Variants in C2orf49 observed in about 807,000 individuals in gnomAD.
C2orf49 encodes the protein tRNA splicing ligase complex subunit 2, also known as tRNA-splicing ligase complex subunit ASW.
A neutral mutation model predicts 20.6 loss-of-function variants in C2orf49; 11 were observed. The observed-to-expected ratio is 0.53, with a 90% confidence interval of 0.34 to 0.88. The LOEUF (loss-of-function observed/expected upper bound fraction) is 0.88. Among genes scored for constraint, C2orf49 ranks in the 40% least tolerant of loss-of-function variants. C2orf49 has a pLI of 0.02. For synonymous variants in C2orf49, 134 were observed against 108.5 expected (o/e 1.24, Z -1.46); for missense variants, 289 against 274.2 (o/e 1.05, Z -0.38).
chr2:105,367,847 A>G, the C2orf49 span: 1 of 1,093,556 alleles, frequency 9.1e-7, no homozygotes, highest in Non-Finnish European at 1.3e-6. Flanking sequence ...GACCAGAGCA[A>G]GCCACTTCAG....
At chr2:105,377,862 G>A in the C2orf49 span, 3 of 362,118 alleles carry the variant, frequency 8.3e-6, no homozygotes, top group Non-Finnish European at 1.6e-5. Flanking sequence ...CTCTCTCTGG[G>A]AAGATAGTTG....
chr2:105,380,703 C>A, the C2orf49 span, among the ~76,000 whole-genome samples: 1 of 152,198 alleles, frequency 6.6e-6, no homozygotes, highest in East Asian at 1.9e-4. Context: ...AATATGGACA[C>A]CTTGACAGAC....
At chr2:105,373,227 G>A in the C2orf49 span, among the ~76,000 whole-genome samples, 1 of 152,212 alleles carries the variant, frequency 6.6e-6, no homozygotes, top group Non-Finnish European at 1.5e-5. Context: ...AGGTAGAAGG[G>A]AAGAAAAGAG....
At chr2:105,380,657 AG>A in the C2orf49 span, among the ~76,000 whole-genome samples, 1 of 152,230 alleles carries the variant, frequency 6.6e-6, no homozygotes, top group African/African-American at 2.4e-5. Flanking sequence ...AGTGTAACAG[AG>A]ATAGCACTTC....
intron 2 of C2orf49, among the ~76,000 whole-genome samples, chr2:105,342,138 C>T (rs776064003): frequency 3.9e-5 from 6 of 152,230 alleles, no homozygotes; most frequent in East Asian, 1.9e-4. Context: ...CGCCATCGCA[C>T]GCCACCCTGG....
the C2orf49 span, among the ~76,000 whole-genome samples, chr2:105,371,117 C>T: frequency 6.6e-6 from 1 of 152,102 alleles, no homozygotes; most frequent in South Asian, 2.1e-4. Context: ...CTTTCCCTCC[C>T]CAGTAAACAC....
the C2orf49 span, among the ~76,000 whole-genome samples, chr2:105,364,482 C>G: frequency 1.3e-5 from 2 of 152,320 alleles, no homozygotes; most frequent in Admixed American, 6.5e-5. Context: ...CTTAGAACAT[C>G]TGTGAGGTGA....
the C2orf49 span, among the ~76,000 whole-genome samples, chr2:105,385,370 T>C: frequency 6.6e-6 from 1 of 152,192 alleles, no homozygotes; most frequent in Non-Finnish European, 1.5e-5. Flanking sequence ...GCTAGAATGA[T>C]CCAACTGCAT....
chr2:105,384,451 G>C, the C2orf49 span, among the ~76,000 whole-genome samples: 5 of 152,180 alleles, frequency 3.3e-5, no homozygotes, highest in Admixed American at 2.0e-4. Flanking sequence ...CGAGTGCAAG[G>C]GCTTGTATCT....
chr2:105,342,570 C>T (rs567920688), intron 2 of C2orf49, among the ~76,000 whole-genome samples: 1 of 152,092 alleles, frequency 6.6e-6, no homozygotes, highest in East Asian at 1.9e-4. Flanking sequence ...TTTTAAGTTC[C>T]AGGGCTAGAT....
Position 105,337,599 on chromosome 2 carries a change from T to C in C2orf49, c.12T>C (p.Asp4=). The change falls in exon 1 of 4, where the codon GAT becomes GAC. Residue 4 remains aspartate, a synonymous_variant. Transcript: ENST00000258457. ...TCCTGGCGACGACCATGGCGGGGGA[T>C]GTGGGCGGTCGCAGCTGCACGGACT... is the stretch of plus-strand genomic sequence containing the variant. MAG[D]VGGRSCTDSE... 6.2e-7 allele frequency: 1 copy of C among 1,612,050 alleles called. No homozygotes were observed. The highest frequency in any genetic ancestry group is 1.1e-5 in the South Asian group (1 of 91,046).
chr2:105,338,594 A>G (rs1012443475), intron 1 of C2orf49, among the ~76,000 whole-genome samples: 3 of 152,326 alleles, frequency 2.0e-5, no homozygotes, highest in African/African-American at 7.2e-5. Context: ...CCACTGTCCT[A>G]AGGCAATACT....
At chr2:105,354,746 C>G in the C2orf49 span, among the ~76,000 whole-genome samples, 2 of 152,142 alleles carry the variant, frequency 1.3e-5, no homozygotes, top group Non-Finnish European at 2.9e-5. Context: ...GTAATTTATT[C>G]TACAAGGTAG....
intron 1 of C2orf49, among the ~76,000 whole-genome samples, chr2:105,338,965 G>A (rs1207435865): frequency 6.6e-6 from 1 of 152,222 alleles, no homozygotes; most frequent in Non-Finnish European, 1.5e-5. Context: ...AGATAGAGAT[G>A]GTTGGACAAT....
At chr2:105,367,344 G>T in the C2orf49 span, among the ~76,000 whole-genome samples, 2 of 152,164 alleles carry the variant, frequency 1.3e-5, no homozygotes, top group Admixed American at 1.3e-4. Flanking sequence ...AAGAAGGCAG[G>T]GTTAAACGAT....
chr2:105,345,368 C>A lies in C2orf49; in HGVS notation c.696C>A (p.Pro232=), dbSNP rs1558668241. ...GGAAGATACAACATGTTACTTGGCC[C>A]TGAAGAAAAGTTTCCAAAAATGTAA... ...AKRKIQHVTW[P] The change falls in exon 4 of 4, where the codon CCC becomes CCA. Residue 232 remains proline (P), a synonymous_variant. Transcript: ENST00000258457. 4 of 1,612,004 alleles carry A rather than the reference C, an allele frequency of 2.5e-6. No individual in the cohort carries two copies. The African/African-American group carries it at 5.3e-5, about 22-fold the overall frequency.
At chr2:105,379,075 C>G in the C2orf49 span, among the ~76,000 whole-genome samples, 1 of 152,144 alleles carries the variant, frequency 6.6e-6, no homozygotes, top group African/African-American at 2.4e-5. Flanking sequence ...TTATTTCACC[C>G]TAGGGGTTCA....
chr2:105,337,769 C>T (rs942243001), intron 1 of C2orf49, 83 bp downstream of exon 1: 1 of 1,251,168 alleles, frequency 8.0e-7, no homozygotes, highest in Non-Finnish European at 1.1e-6. Context: ...AAGTAGCCCT[C>T]GGCAACCACG....
the C2orf49 span, among the ~76,000 whole-genome samples, chr2:105,355,050 A>AG: frequency 3.9e-5 from 6 of 152,260 alleles, no homozygotes; most frequent in African/African-American, 1.4e-4. Flanking sequence ...GCTGTAGTTT[A>AG]GGTGACTGTA....
Sources: gnomAD v4.1 joint callset for allele counts (sites outside exome capture counted in the v4.1 genomes callset) on GRCh38, gnomAD v4.1.1 for gene constraint, MANE v1.5 for transcripts, NCBI Gene and HGNC (gene_info 2026-07-23, HGNC 2026-07-21) for gene names.